The following JAK1 variants were observed in gnomAD, a reference collection of about 807,000 sequenced individuals.
JAK1 encodes the protein Janus kinase 1, also known as tyrosine-protein kinase JAK1.
A neutral mutation model predicts 136.6 loss-of-function variants in JAK1; 16 were observed. That is an observed-to-expected ratio of 0.12 (90% CI 0.08 to 0.18). The LOEUF is 0.18. JAK1 is among the 10% of genes least tolerant of loss of function. The pLI is 1.00. For synonymous variants in JAK1, 492 were observed against 519.5 expected, an observed-to-expected ratio of 0.95 and a Z score of 0.72; for missense variants, 859 against 1,450.1, an observed-to-expected ratio of 0.59 and a Z score of 6.62.
Position 64,912,659 on chromosome 1 carries a change from C to G in JAK1, c.-77-26318G>C, listed in dbSNP as rs1368065561. Among the ~76,000 whole-genome samples, 3 of 152,210 alleles carry G rather than the reference C, an allele frequency of 2.0e-5. No individual in the cohort carries two copies. The East Asian group carries it at 5.8e-4, about 29-fold the overall frequency. On this transcript the variant is annotated intron_variant, in intron 1 of 24. Coordinates refer to ENST00000342505, the MANE Select transcript of JAK1 (RefSeq NM_002227.4). ...CCCTGTAAAGCAGGACTACTCTCAT[C>G]CCCATTTTACATTCCGGGAGAACTT...
intron 2 of JAK1, among the ~76,000 whole-genome samples, chr1:65,019,316 T>C (rs922611645): frequency 2.6e-5 from 4 of 152,026 alleles, no homozygotes; most frequent in African/African-American, 9.7e-5. Flanking sequence ...AACAATATAT[T>C]AGCAAACTGA....
Position 64,834,604 on chromosome 1 carries a change from G to A in JAK1, c.3423C>T (p.Ser1141=). The A allele has an allele frequency of 6.2e-7, 1 of 1,612,530 alleles. No homozygotes were observed. The highest frequency in any genetic ancestry group is 2.2e-5 in the East Asian group (1 of 44,826). ...CAAATCCTTCAATAAGGTTCTGAAAGCTTGTCCGATTGGATGGTTGGAATT... is the reference window on the plus strand; with the variant it reads ...CAAATCCTTCAATAAGGTTCTGAAAACTTGTCCGATTGGATGGTTGGAATT... ...CWEFQPSNRT[S]FQNLIEGFEA... The change falls in exon 25 of 25, where the codon AGC becomes AGT. Residue 1141 remains serine, a synonymous_variant. Coordinates refer to ENST00000342505, the MANE Select transcript of JAK1 (RefSeq NM_002227.4).
At chr1:65,065,123 T>A (rs1647983818) in intron 1 of JAK1, among the ~76,000 whole-genome samples, 1 of 152,178 alleles carries the variant, frequency 6.6e-6, no homozygotes, top group South Asian at 2.1e-4. Flanking sequence ...GCTGGATTCC[T>A]AAGGTAGTTC....
intron 1 of JAK1, among the ~76,000 whole-genome samples, chr1:64,904,419 G>GA (rs1272210744): frequency 3.9e-5 from 6 of 152,166 alleles, no homozygotes; most frequent in African/African-American, 1.2e-4. Flanking sequence ...GGTCCATAGT[G>GA]AAAAAATTGG....
chr1:64,860,840 G>C (rs1330245051), intron 8 of JAK1, among the ~76,000 whole-genome samples: 1 of 150,660 alleles, frequency 6.6e-6, no homozygotes, highest in Non-Finnish European at 1.5e-5. Flanking sequence ...GTGTGTGTGT[G>C]TGTGTGTGTG....
intron 1 of JAK1, among the ~76,000 whole-genome samples, chr1:65,045,751 A>C (rs187378359): frequency 6.6e-6 from 1 of 152,104 alleles, no homozygotes; most frequent in Non-Finnish European, 1.5e-5. Context: ...AGATGTCATC[A>C]CTCCTTTAAA....
intron 1 of JAK1, among the ~76,000 whole-genome samples, chr1:64,889,730 CTCTT>C (rs1557667099): frequency 3.9e-5 from 6 of 152,212 alleles, no homozygotes; most frequent in Admixed American, 1.3e-4. Context: ...AACTGGAACT[CTCTT>C]AAATTTTCAA....
At chr1:65,032,627 C>T (rs537598033) in intron 2 of JAK1, among the ~76,000 whole-genome samples, 1 of 152,272 alleles carries the variant, frequency 6.6e-6, no homozygotes, top group Admixed American at 6.5e-5. Flanking sequence ...TCCTTCCATA[C>T]GTGAATCCTG....
In JAK1 at chr1:64,845,762, G is replaced by A. The variant is rs148150741; in HGVS notation, c.1988-122C>T. The stretch of plus-strand genomic sequence containing the variant: ...GCCTCAGAGTACACAGATATCCTTG[G>A]GGGGTGCAATGGTGCAGGGGCTTCA... On this transcript the variant is annotated intron_variant, in intron 14 of 24. Transcript: ENST00000342505. 6.5e-4 allele frequency: 787 copies of A among 1,219,708 alleles called. 8 individuals are homozygous for A. In the African/African-American group the frequency reaches 9.7e-3, roughly 15 times the overall value. 75.6% of individuals were successfully genotyped at this position (1,219,708 alleles called of 1,614,324 possible).
intron 1 of JAK1, among the ~76,000 whole-genome samples, chr1:64,950,125 T>C (rs533806667): frequency 1.4e-4 from 22 of 152,226 alleles, no homozygotes; most frequent in African/African-American, 4.8e-4. Flanking sequence ...AATGTCAACA[T>C]TAGGCCGGGC....
intron 8 of JAK1, among the ~76,000 whole-genome samples, chr1:64,860,675 A>C (rs993505133): frequency 2.0e-5 from 3 of 151,932 alleles, no homozygotes; most frequent in Non-Finnish European, 4.4e-5. Flanking sequence ...GCTGGTCTTG[A>C]ACTCCTGACC....
rs370828133 is a variant in JAK1 at position 64,997,270 on chromosome 1, G to A, written c.-78+47210C>T. 1.9e-4 allele frequency among the ~76,000 whole-genome samples: 29 copies of A among 152,224 alleles called. 5 individuals are homozygous for A. The highest frequency in any genetic ancestry group is 3.3e-4 in the Admixed American group (5 of 15,292). On this transcript the variant is annotated intron_variant, in intron 2 of 25. Transcript: ENST00000671954. ...CGGCACAATGGGTAAAAACTAGAAG[G>A]AGGAGATGGTAAAAATCATACATGC...
At chr1:64,853,523 A>G (rs976969120) in intron 11 of JAK1, among the ~76,000 whole-genome samples, 2 of 152,234 alleles carry the variant, frequency 1.3e-5, no homozygotes, top group African/African-American at 4.8e-5. Flanking sequence ...AGATCTCCAA[A>G]CAACGCCTGG....
intron 1 of JAK1, 81 bp from the exon 2 acceptor site, chr1:64,886,422 A>C (rs903131793): frequency 2.7e-5 from 20 of 731,220 alleles, no homozygotes; most frequent in Non-Finnish European, 3.9e-5. Flanking sequence ...TTAAGGAAGC[A>C]GCCCAAACCA....
intron 1 of JAK1, 103 bp from the exon 2 acceptor site, chr1:64,886,444 G>A: frequency 1.8e-6 from 1 of 561,398 alleles, no homozygotes; most frequent in Admixed American, 4.2e-5. Flanking sequence ...AAGCAGGCAA[G>A]AAAAAGCATT....
chr1:64,928,027 T>C (rs980929312), intron 1 of JAK1, among the ~76,000 whole-genome samples: 1 of 152,254 alleles, frequency 6.6e-6, no homozygotes, highest in Admixed American at 6.5e-5. Context: ...AGCAGCCCTA[T>C]GGAGGGTCAG....
chr1:65,005,161 T>A (rs911223709), intron 2 of JAK1, among the ~76,000 whole-genome samples: 3 of 151,976 alleles, frequency 2.0e-5, no homozygotes, highest in Non-Finnish European at 4.4e-5. Context: ...CTGGCCAACA[T>A]GATGAAGCCC....
chr1:64,850,880 T>C lies in JAK1; in HGVS notation c.1679A>G (p.Lys560Arg). Residue 560 changes from lysine (K) to arginine (R), a missense_variant, in exon 12 of 25, where the codon AAA becomes AGA. By Grantham distance (26) the Lys-to-Arg change is conservative (BLOSUM62 2). This residue lies in a region of JAK1 where 409 missense variants were observed against 753.8 expected (regional missense o/e 0.54). Transcript: ENST00000342505. ...EISNLLVATK[K>R]AQEWQPVYPM... ...GTAGACGGGCTGCCACTCCTGGGCT[T>C]TCTTAGTAGCCACCAGCAGGTTGGA... is the stretch of plus-strand genomic sequence containing the variant. 2 of 1,613,952 alleles carry C rather than the reference T, an allele frequency of 1.2e-6. No individual in the cohort carries two copies. The highest frequency in any genetic ancestry group is 1.7e-6 in the Non-Finnish European group (2 of 1,179,888).
rs1243829333 is a variant in JAK1 at position 65,006,759 on chromosome 1, GAT to G, written c.-78+37719_-78+37720del. Reference sequence around the variant, plus strand: ...ACTTACCATATTAGCTGAACCTGTAGATTCACTGAATTACGCCTTGTATATAA... The same window carrying G: ...ACTTACCATATTAGCTGAACCTGTAGTCACTGAATTACGCCTTGTATATAA... On this transcript the variant is annotated intron_variant, in intron 2 of 25. Transcript: ENST00000671954. 7.2e-5 allele frequency among the ~76,000 whole-genome samples: 11 copies of G among 152,100 alleles called. No homozygotes were observed. The East Asian group carries it at 1.7e-3, about 24-fold the overall frequency.
Sources: gnomAD v4.1 joint callset for allele counts (sites outside exome capture counted in the v4.1 genomes callset) on GRCh38, gnomAD v4.1.1 for gene constraint, gnomAD v4.1.1 regional missense constraint, MANE v1.5 for transcripts, NCBI Gene and HGNC (gene_info 2026-07-23, HGNC 2026-07-21) for gene names.